EPHA3: variants seen among roughly 807,000 people sequenced by gnomAD.
EPHA3 encodes ephrin type-A receptor 3.
EPHA3 carries 42 observed loss-of-function variants against 107.1 expected under a neutral mutation model. The ratio of observed to expected loss-of-function variants is 0.39; its 90% CI spans 0.31 to 0.51. The LOEUF is 0.51. Ranked by LOEUF, EPHA3 falls within the 20% of genes least tolerant of loss-of-function variation. The probability of loss-of-function intolerance (pLI) is 0.78; values close to 1 mark genes in which losing one functional copy is unlikely to be tolerated. For synonymous variants in EPHA3, 461 were observed against 424.8 expected, an observed-to-expected ratio of 1.09 and a Z score of -1.05; for missense variants, 1,183 against 1,211.2, an observed-to-expected ratio of 0.98 and a Z score of 0.35.
At chr3:89,144,887 A>G (rs1403406430) in intron 2 of EPHA3, among the ~76,000 whole-genome samples, 2 of 151,742 alleles carry the variant, frequency 1.3e-5, no homozygotes, top group African/African-American at 2.4e-5. Flanking sequence ...ATTGAAATAT[A>G]CCAGTTTATT....
chr3:89,275,389 A>G (rs1576282734), intron 3 of EPHA3, among the ~76,000 whole-genome samples: 1 of 152,038 alleles, frequency 6.6e-6, no homozygotes, highest in South Asian at 2.1e-4. Context: ...ATTTCCCTCT[A>G]CAACTATACG....
intron 2 of EPHA3, among the ~76,000 whole-genome samples, chr3:89,173,143 A>T (rs1576203541): frequency 6.6e-6 from 1 of 152,292 alleles, no homozygotes; most frequent in East Asian, 1.9e-4. Context: ...TTGATATTTT[A>T]CATTTCATAA....
At chr3:89,418,555 T>C (rs1296196015) in intron 10 of EPHA3, among the ~76,000 whole-genome samples, 1 of 151,394 alleles carries the variant, frequency 6.6e-6, no homozygotes, top group Admixed American at 6.6e-5. Context: ...TTGAAGACTT[T>C]TTTTTTTAAA....
In EPHA3 at chr3:89,381,650, C is replaced by T. The variant is rs961748557; in HGVS notation, c.1307-14187C>T. Among the ~76,000 whole-genome samples the T allele has an allele frequency of 6.6e-5, 10 of 151,356 alleles. No homozygotes were observed. In the East Asian group the frequency reaches 9.9e-4, roughly 15 times the overall value. ...TATCACAGCACTCCAGCCTGGGTGA[C>T]GGAGTGAGACTTTGTCTCAAAAAGA... On this transcript the variant is annotated intron_variant, in intron 5 of 16. Coordinates refer to ENST00000336596, the MANE Select transcript of EPHA3 (RefSeq NM_005233.6).
intron 10 of EPHA3, 136 bp downstream of exon 10, chr3:89,413,402 A>G (rs1709192151): frequency 9.0e-7 from 1 of 1,114,480 alleles, no homozygotes. Context: ...AAATAAGTGC[A>G]ATATTTAATG....
chr3:89,427,654 A>T (rs947468808), intron 11 of EPHA3, among the ~76,000 whole-genome samples: 1 of 151,926 alleles, frequency 6.6e-6, no homozygotes, highest in African/African-American at 2.4e-5. Context: ...TAGGTTTTGA[A>T]ATTAGAGACA....
intron 1 of EPHA3, among the ~76,000 whole-genome samples, chr3:89,119,771 A>G (rs1707336566): frequency 6.6e-6 from 1 of 152,164 alleles, no homozygotes; most frequent in Non-Finnish European, 1.5e-5. Flanking sequence ...GTATGTGCAC[A>G]TGTGTGTTTG....
intron 3 of EPHA3, among the ~76,000 whole-genome samples, chr3:89,299,327 T>G (rs1398951584): frequency 6.6e-6 from 1 of 152,012 alleles, no homozygotes; most frequent in Non-Finnish European, 1.5e-5. Context: ...CATTACATTA[T>G]ATAAATTTCC....
intron 10 of EPHA3, among the ~76,000 whole-genome samples, chr3:89,417,048 T>C (rs1709262074): frequency 6.6e-6 from 1 of 151,502 alleles, no homozygotes; most frequent in Non-Finnish European, 1.5e-5. Context: ...AGGCAATTTA[T>C]CCTTTAGGTG....
At chr3:89,280,158 T>TTTTA (rs1182219317) in intron 3 of EPHA3, among the ~76,000 whole-genome samples, 1 of 152,126 alleles carries the variant, frequency 6.6e-6, no homozygotes, top group Non-Finnish European at 1.5e-5. Context: ...AAATTACAGA[T>TTTTA]ATTTATTTCC....
intron 5 of EPHA3, among the ~76,000 whole-genome samples, chr3:89,351,350 G>C (rs1490401535): frequency 6.6e-6 from 1 of 151,240 alleles, no homozygotes. Context: ...TCTGAAAAGC[G>C]CAATATTCGG....
At chr3:89,279,026 T>TC (rs1221345875) in intron 3 of EPHA3, among the ~76,000 whole-genome samples, 1 of 152,194 alleles carries the variant, frequency 6.6e-6, no homozygotes, top group Non-Finnish European at 1.5e-5. Flanking sequence ...AGTGTTTTTT[T>TC]CCCCTCACAT....
chr3:89,201,376 AGAATGAAT>A (rs200545939), intron 2 of EPHA3, among the ~76,000 whole-genome samples: 1 of 152,218 alleles, frequency 6.6e-6, no homozygotes. Context: ...GGTTAGAAAA[AGAATGAAT>A]GAATGAATGA....
intron 3 of EPHA3, among the ~76,000 whole-genome samples, chr3:89,287,306 A>G (rs1706111318): frequency 6.6e-6 from 1 of 152,152 alleles, no homozygotes. Context: ...TAGGAATACT[A>G]AATACCTTGC....
intron 13 of EPHA3, among the ~76,000 whole-genome samples, chr3:89,446,853 A>C (rs1709886450): frequency 6.6e-6 from 1 of 152,142 alleles, no homozygotes; most frequent in South Asian, 2.1e-4. Flanking sequence ...TTCTGGAAAA[A>C]GAGAAGTAGC....
Position 89,341,954 on chromosome 3 carries a change from C to T in EPHA3, c.1170C>T (p.Thr390=), listed in dbSNP as rs1707534910. The change falls in exon 5 of 17, where the codon ACC becomes ACT. Residue 390 remains threonine (T), a synonymous_variant. Transcript: ENST00000336596. ...VRFLPRQFGL[T]NTTVTVTDLL... ...TCCTCCCTCGACAGTTTGGACTCAC[C>T]AACACCACGGTGACAGTGACAGACC... 1.2e-6 allele frequency: 2 copies of T among 1,613,166 alleles called. No homozygotes were observed. The highest frequency in any genetic ancestry group is 1.7e-5 in the Admixed American group (1 of 59,846).
intron 3 of EPHA3, among the ~76,000 whole-genome samples, chr3:89,315,657 C>T (rs757908477): frequency 2.0e-5 from 3 of 149,954 alleles, no homozygotes; most frequent in Non-Finnish European, 4.4e-5. Context: ...TTAACCATCT[C>T]AGCTTAGCAG....
At chr3:89,220,682 A>G (rs2107205450) in intron 3 of EPHA3, among the ~76,000 whole-genome samples, 1 of 152,330 alleles carries the variant, frequency 6.6e-6, no homozygotes, top group South Asian at 2.1e-4. Flanking sequence ...ACGTGCTGAC[A>G]TGAAATCAAA....
intron 3 of EPHA3, among the ~76,000 whole-genome samples, chr3:89,262,725 A>G (rs1705444408): frequency 6.6e-6 from 1 of 152,202 alleles, no homozygotes. Context: ...CACAGCGGTA[A>G]CTGGAGTCAG....
Sources: gnomAD v4.1 joint callset for allele counts (sites outside exome capture counted in the v4.1 genomes callset) on GRCh38, gnomAD v4.1.1 for gene constraint, MANE v1.5 for transcripts, NCBI Gene and HGNC (gene_info 2026-07-23, HGNC 2026-07-21) for gene names.